Variants in SNRPG observed in about 807,000 individuals in gnomAD.
The protein encoded by SNRPG is small nuclear ribonucleoprotein polypeptide G.
A neutral mutation model predicts 13.9 loss-of-function variants in SNRPG; 3 were observed. That is an observed-to-expected ratio of 0.22 (90% CI 0.10 to 0.56). The LOEUF is 0.56. SNRPG is among the 20% of genes least tolerant of loss of function. The probability of loss-of-function intolerance (pLI) is 0.93; values close to 1 mark genes in which losing one functional copy is unlikely to be tolerated. For synonymous variants in SNRPG, 29 were observed against 29.3 expected (o/e 0.99, Z 0.03); for missense variants, 34 against 96.1 (o/e 0.35, Z 2.70).
chr2:70,293,462 T>C (rs1344410904), intron 1 of SNRPG, 156 bp downstream of exon 1: 2 of 761,004 alleles, frequency 2.6e-6, no homozygotes, highest in African/African-American at 3.4e-5. Context: ...GCTTCACGTC[T>C]CATGCGCGGG....
chr2:70,285,624 A>C (rs971035599), intron 3 of SNRPG, among the ~76,000 whole-genome samples: 1 of 152,084 alleles, frequency 6.6e-6, no homozygotes, highest in African/African-American at 2.4e-5. Flanking sequence ...AGGGTTCACT[A>C]CTATCTGTGG....
intron 3 of SNRPG, among the ~76,000 whole-genome samples, chr2:70,285,999 G>C (rs981382233): frequency 6.6e-6 from 1 of 152,138 alleles, no homozygotes; most frequent in Non-Finnish European, 1.5e-5. Flanking sequence ...AGATTGGAGT[G>C]CAGTAGTGTG....
chr2:70,288,334 C>T (rs1456643328), intron 2 of SNRPG, 142 bp from the exon 3 acceptor site: 2 of 658,374 alleles, frequency 3.0e-6, no homozygotes, highest in Non-Finnish European at 5.3e-6. Flanking sequence ...CTGGGTTAAA[C>T]ATTTTTGTAT....
Position 70,281,497 on chromosome 2 carries a change from GA to G in SNRPG, c.*136del. Reference sequence around the variant, plus strand: ...GATATTCTATATTCAGAACATCTGAGAAAGCATTTTTGACTATTACAAAAGT... The same window carrying G: ...GATATTCTATATTCAGAACATCTGAGAAGCATTTTTGACTATTACAAAAGT... On this transcript the variant is annotated 3_prime_UTR_variant, in exon 4 of 4. Coordinates refer to ENST00000272348, the MANE Select transcript of SNRPG (RefSeq NM_003096.4). 1 of 474,252 alleles carries G rather than the reference GA, an allele frequency of 2.1e-6. No individual in the cohort carries two copies. Among genetic ancestry groups the G allele is most frequent in the Non-Finnish European group, 3.8e-6 (1 of 261,204 alleles). 29.4% of individuals were successfully genotyped at this position (474,252 alleles called of 1,614,324 possible).
chr2:70,290,823 T>TG (rs1559045715), intron 1 of SNRPG, among the ~76,000 whole-genome samples: 2 of 25,262 alleles, frequency 7.9e-5, no homozygotes, highest in African/African-American at 1.9e-4. Context: ...CCGTCTCTAC[T>TG]AAAAAAAAAA....
In SNRPG at chr2:70,289,350, A is replaced by G. The variant is rs1190819017; in HGVS notation, c.55T>C (p.Leu19=). 4.9e-6 allele frequency: 7 copies of G among 1,436,754 alleles called. No individual in the cohort carries two copies. In the East Asian group the frequency reaches 1.4e-4, roughly 29 times the overall value. 89.0% of individuals were successfully genotyped at this position (1,436,754 alleles called of 1,614,324 possible). The change falls in exon 2 of 4, where the codon TTG becomes CTG. Residue 19 remains leucine, a splice_region_variant and synonymous_variant. Transcript: ENST00000272348. Reference sequence around the variant, plus strand: ...AACCCCAAAACAACAACAAACTTACATGATAACTTCTTGTCCATAAATCTG... The same window carrying G: ...AACCCCAAAACAACAACAAACTTACGTGATAACTTCTTGTCCATAAATCTG... ...LKKFMDKKLS[L]KLNGGRHVQG...
intron 1 of SNRPG, chr2:70,291,296 T>C (rs1697090583): frequency 6.6e-6 from 1 of 152,180 alleles, no homozygotes; most frequent in Non-Finnish European, 1.5e-5. Context: ...TATTAGCAGC[T>C]AGAAGGTTTG....
At chr2:70,291,911 A>C (rs929207686) in intron 1 of SNRPG, among the ~76,000 whole-genome samples, 10 of 151,778 alleles carry the variant, frequency 6.6e-5, no homozygotes, top group African/African-American at 1.7e-4. Context: ...TTTCAGATAA[A>C]AAGAGTAATT....
intron 3 of SNRPG, among the ~76,000 whole-genome samples, chr2:70,286,891 G>A (rs10192333): frequency 0.011 from 1,693 of 152,240 alleles, 44 homozygotes; most frequent in African/African-American, 0.038. Flanking sequence ...TAAAAATAAG[G>A]GCTGAGAGGA....
At chr2:70,283,440 T>A (rs188330821) in intron 3 of SNRPG, among the ~76,000 whole-genome samples, 4 of 152,310 alleles carry the variant, frequency 2.6e-5, no homozygotes, top group Admixed American at 2.6e-4. Flanking sequence ...GAGCTATGCT[T>A]ATAGGCAGCT....
At position 70,293,610 on chromosome 2, in the gene SNRPG, AT is replaced by A. The variant is rs1158790808; in HGVS notation, c.32+7del. On this transcript the variant is annotated splice_region_variant and intron_variant, in intron 1 of 3. Coordinates refer to ENST00000272348, the MANE Select transcript of SNRPG (RefSeq NM_003096.4). Reference sequence around the variant, plus strand: ...GACCACTTCGGTTTGGCTCTCACACATACTTACTTTTTCAACTCGGGAGGGT... The same window carrying A: ...GACCACTTCGGTTTGGCTCTCACACAACTTACTTTTTCAACTCGGGAGGGT... 3.7e-6 allele frequency: 6 copies of A among 1,613,462 alleles called. No homozygotes were observed. The highest frequency in any genetic ancestry group is 1.3e-5 in the African/African-American group (1 of 74,918).
intron 1 of SNRPG, chr2:70,293,041 T>A: frequency 4.8e-6 from 3 of 619,088 alleles, no homozygotes; most frequent in Non-Finnish European, 5.8e-6. Flanking sequence ...GAAAAATGAA[T>A]GTTCTTATAT....
chr2:70,292,457 C>T (rs559273771), intron 1 of SNRPG, among the ~76,000 whole-genome samples: 1 of 152,292 alleles, frequency 6.6e-6, no homozygotes, highest in African/African-American at 2.4e-5. Flanking sequence ...AAGCGATTCT[C>T]CTGCCTCAAC....
intron 3 of SNRPG, chr2:70,287,141 G>A: frequency 1.7e-6 from 1 of 586,878 alleles, no homozygotes; most frequent in Non-Finnish European, 3.0e-6. Flanking sequence ...CACAAACCTT[G>A]GAAAGAATGG....
At chr2:70,284,620 G>A (rs1449624187) in intron 3 of SNRPG, among the ~76,000 whole-genome samples, 1 of 152,140 alleles carries the variant, frequency 6.6e-6, no homozygotes. Flanking sequence ...CTAGTCTCAA[G>A]TGATCCTCCT....
intron 1 of SNRPG, 93 bp from the exon 2 acceptor site, chr2:70,289,465 T>C (rs1697025251): frequency 4.6e-6 from 3 of 657,046 alleles, no homozygotes; most frequent in Admixed American, 3.0e-5. Context: ...TTTGCTAAAA[T>C]TTATACAATG....
intron 3 of SNRPG, among the ~76,000 whole-genome samples, chr2:70,283,328 G>T (rs1696861391): frequency 6.6e-6 from 1 of 151,964 alleles, no homozygotes; most frequent in Admixed American, 6.6e-5. Context: ...GTGAATGGAG[G>T]GGTACGGGAG....
chr2:70,284,751 C>T (rs1696898481), intron 3 of SNRPG, among the ~76,000 whole-genome samples: 1 of 152,040 alleles, frequency 6.6e-6, no homozygotes, highest in South Asian at 2.1e-4. Flanking sequence ...ATCTCATTGA[C>T]CAAAGCAAGA....
intron 1 of SNRPG, among the ~76,000 whole-genome samples, chr2:70,291,500 A>C (rs1194734316): frequency 6.6e-6 from 1 of 152,214 alleles, no homozygotes; most frequent in African/African-American, 2.4e-5. Context: ...GGGCAGTCGA[A>C]TAAGCAGTAG....
Sources: gnomAD v4.1 joint callset for allele counts (sites outside exome capture counted in the v4.1 genomes callset) on GRCh38, gnomAD v4.1.1 for gene constraint, MANE v1.5 for transcripts, NCBI Gene and HGNC (gene_info 2026-07-23, HGNC 2026-07-21) for gene names.